The following BCL7A variants were observed in gnomAD, a reference collection of about 807,000 sequenced individuals.
BCL7A encodes the protein BAF chromatin remodeling complex subunit BCL7A.
In BCL7A, 11 loss-of-function variants were observed where a neutral mutation model predicts 28.4. The ratio of observed to expected loss-of-function variants is 0.39; its 90% CI spans 0.24 to 0.64. The LOEUF is 0.64. Ranked by LOEUF, BCL7A falls within the 30% of genes least tolerant of loss-of-function variation. The pLI is 0.50. For missense variants in BCL7A, 222 were observed against 274.8 expected (o/e 0.81, Z 1.36); for synonymous variants, 123 against 103.3 (o/e 1.19, Z -1.15).
At chr12:122,046,057 TG>T (rs2135853980) in intron 4 of BCL7A, among the ~76,000 whole-genome samples, 1 of 59,134 alleles carries the variant, frequency 1.7e-5, no homozygotes, top group Admixed American at 1.8e-4. Flanking sequence ...GGTGAGACCT[TG>T]CTAAAAAAAA....
At chr12:122,024,672 A>G (rs1305747666) in intron 1 of BCL7A, among the ~76,000 whole-genome samples, 1 of 152,210 alleles carries the variant, frequency 6.6e-6, no homozygotes, top group Non-Finnish European at 1.5e-5. Context: ...AGGTTTAACC[A>G]GATAAAAATA....
intron 1 of BCL7A, among the ~76,000 whole-genome samples, chr12:122,023,629 A>C (rs546725908): frequency 6.6e-6 from 1 of 152,202 alleles, no homozygotes; most frequent in East Asian, 1.9e-4. Context: ...AATTTTCAGA[A>C]CCGTGAGAAG....
chr12:122,039,894 C>CT (rs1883933684), intron 3 of BCL7A, among the ~76,000 whole-genome samples: 1 of 152,010 alleles, frequency 6.6e-6, no homozygotes, highest in Admixed American at 6.6e-5. Flanking sequence ...GAGACAGGGT[C>CT]TTGCTATGTT....
intron 1 of BCL7A, 38 bp downstream of exon 1, chr12:122,022,221 C>T (rs1178072655): frequency 2.9e-6 from 4 of 1,366,258 alleles, no homozygotes; most frequent in South Asian, 1.3e-5. Context: ...CCTCCCCGGC[C>T]GCCCCGAGCC....
At chr12:122,043,800 A>G (rs2135852162) in intron 3 of BCL7A, 86 bp from the exon 4 acceptor site, 1 of 1,378,100 alleles carries the variant, frequency 7.3e-7, no homozygotes, top group Non-Finnish European at 9.7e-7. Context: ...CCGGGCATTG[A>G]GGCACAGGGA....
At chr12:122,048,044 CA>C (rs1277806231) in intron 4 of BCL7A, among the ~76,000 whole-genome samples, 5 of 151,860 alleles carry the variant, frequency 3.3e-5, no homozygotes, top group African/African-American at 9.7e-5. Flanking sequence ...GCTGGGATTA[CA>C]GGCATGCACC....
rs1259536181 is a variant in BCL7A at position 122,022,420 on chromosome 12, G to C, written c.92+237G>C. 1.2e-3 allele frequency among the ~76,000 whole-genome samples: 168 copies of C among 144,912 alleles called. 2 individuals carry two copies. The East Asian group carries it at 0.032, about 28-fold the overall frequency. On this transcript the variant is annotated intron_variant, in intron 1 of 5. Coordinates refer to ENST00000261822, the MANE Select transcript of BCL7A (RefSeq NM_001024808.3). ...CTCGCGCCTGTAGCCCACCTGGCGC[G>C]GCGGCCCGGAGGCGGCGGGCGCCGG...
chr12:122,053,972 C>T, intron 4 of BCL7A, among the ~76,000 whole-genome samples: 1 of 152,160 alleles, frequency 6.6e-6, no homozygotes. Flanking sequence ...TCCTCTAAAA[C>T]ATTAGTGGGG....
chr12:122,038,139 C>T lies in BCL7A; in HGVS notation c.271+2712C>T, dbSNP rs117362001. 1.9e-3 allele frequency among the ~76,000 whole-genome samples: 289 copies of T among 149,264 alleles called. 10 individuals are homozygous for T. In the East Asian group the frequency reaches 0.055, roughly 28 times the overall value. On this transcript the variant is annotated intron_variant, in intron 3 of 5. Transcript: ENST00000261822. ...CCGTCTCAAAAAAAGAAAAAAGAAA[C>T]GCACAGTGGGAGCCAGGCACAGTGG...
intron 1 of BCL7A, 37 bp from the exon 2 acceptor site, chr12:122,030,663 G>C: frequency 6.3e-7 from 1 of 1,584,946 alleles, no homozygotes; most frequent in South Asian, 1.1e-5. Flanking sequence ...CAGGGATGAA[G>C]AGTCCCCGGT....
intron 3 of BCL7A, among the ~76,000 whole-genome samples, chr12:122,039,105 G>A (rs1345698155): frequency 2.0e-5 from 3 of 151,892 alleles, no homozygotes; most frequent in African/African-American, 2.4e-5. Context: ...GACCATCCTG[G>A]CTAACACGGT....
chr12:122,022,041 G>C lies in BCL7A; in HGVS notation c.-51G>C. ...CGCGAGTGTGGCCGCCGCGGAGCGCGAGCAGGACCCGGCGGGCGCGCTCCC... is the reference window on the plus strand; with the variant it reads ...CGCGAGTGTGGCCGCCGCGGAGCGCCAGCAGGACCCGGCGGGCGCGCTCCC... On this transcript the variant is annotated 5_prime_UTR_variant, in exon 1 of 6. Transcript: ENST00000261822. The C allele has an allele frequency of 6.7e-7, 1 of 1,499,542 alleles. No homozygotes were observed. Among genetic ancestry groups the C allele is most frequent in the Admixed American group, 2.0e-5 (1 of 49,358 alleles). The allele number at this position is 1,499,542 out of a possible 1,614,324, so 92.9% of individuals were successfully genotyped here.
chr12:122,050,503 C>T (rs533590721), intron 4 of BCL7A, among the ~76,000 whole-genome samples: 43 of 152,310 alleles, frequency 2.8e-4, no homozygotes, highest in East Asian at 2.7e-3. Context: ...TCATGGCCCC[C>T]GTGATCCCAG....
At chr12:122,022,328 A>C (rs2135833024) in intron 1 of BCL7A, 145 bp downstream of exon 1, 1 of 313,218 alleles carries the variant, frequency 3.2e-6, no homozygotes, top group South Asian at 1.3e-4. Flanking sequence ...GGGCGGGCGG[A>C]CGGGCGGGCG....
intron 3 of BCL7A, among the ~76,000 whole-genome samples, chr12:122,037,913 C>T (rs532276179): frequency 6.6e-6 from 1 of 152,216 alleles, no homozygotes; most frequent in South Asian, 2.1e-4. Context: ...TGCGCCATTG[C>T]ACTCCAGCCT....
chr12:122,050,861 C>T (rs1435182597), intron 4 of BCL7A, among the ~76,000 whole-genome samples: 1 of 152,206 alleles, frequency 6.6e-6, no homozygotes, highest in African/African-American at 2.4e-5. Flanking sequence ...GGCGAGAACG[C>T]CAGCAAAGTG....
chr12:122,027,055 C>G (rs1024030906), intron 1 of BCL7A, among the ~76,000 whole-genome samples: 1 of 152,110 alleles, frequency 6.6e-6, no homozygotes, highest in Non-Finnish European at 1.5e-5. Context: ...AGACAGGAGG[C>G]GCGGGGCACA....
In BCL7A at chr12:122,045,199, G is replaced by A. The variant is rs556412796; in HGVS notation, c.439+1146G>A. 7.3e-4 allele frequency among the ~76,000 whole-genome samples: 111 copies of A among 152,110 alleles called. 3 individuals carry two copies. Among genetic ancestry groups the A allele is most frequent in the East Asian group, 1.9e-3 (10 of 5,164 alleles). ...AGTTCAAGACCAGCCTGGCCAACAC[G>A]GTGAAACCCTGTCTCTACTAAAAAT... On this transcript the variant is annotated intron_variant, in intron 4 of 5. Transcript: ENST00000261822.
rs547870994 is a variant in BCL7A at position 122,050,940 on chromosome 12, C to T, written c.440-3865C>T. ...AGGGTTGCCTTGTCCACCCTTCTGT[C>T]GGGGGAGCGATTGCGGGGTTCCCAA... is the stretch of plus-strand genomic sequence containing the variant. On this transcript the variant is annotated intron_variant, in intron 4 of 5. Coordinates refer to ENST00000261822, the MANE Select transcript of BCL7A (RefSeq NM_001024808.3). Among the ~76,000 whole-genome samples the T allele has an allele frequency of 1.2e-4, 18 of 152,288 alleles. No individual in the cohort carries two copies. In the East Asian group the frequency reaches 2.1e-3, roughly 18 times the overall value.
Sources: gnomAD v4.1 joint callset for allele counts (sites outside exome capture counted in the v4.1 genomes callset) on GRCh38, gnomAD v4.1.1 for gene constraint, MANE v1.5 for transcripts, NCBI Gene and HGNC (gene_info 2026-07-23, HGNC 2026-07-21) for gene names.